ELAVL2: variants seen among roughly 807,000 people sequenced by gnomAD.
The protein encoded by ELAVL2 is ELAV like RNA binding protein 2, also known as ELAV-like protein 2.
A neutral mutation model predicts 34.6 loss-of-function variants in ELAVL2; 4 were observed. The observed-to-expected ratio is 0.12, with a 90% CI of 0.06 to 0.26. The LOEUF is 0.26. Ranked by LOEUF, ELAVL2 falls within the 10% of genes least tolerant of loss-of-function variation. ELAVL2 has a pLI of 1.00. For missense variants in ELAVL2, 432 were observed against 442.8 expected (o/e 0.98, Z 0.22); for synonymous variants, 193 against 154.8 (o/e 1.25, Z -1.83).
At chr9:23,811,625 T>C (rs1330714288) in intron 1 of ELAVL2, among the ~76,000 whole-genome samples, 1 of 152,190 alleles carries the variant, frequency 6.6e-6, no homozygotes, top group Non-Finnish European at 1.5e-5. Flanking sequence ...TTTTCCTAGG[T>C]GTTTTGAAAA....
chr9:23,710,595 G>A (rs1178847827), intron 3 of ELAVL2, among the ~76,000 whole-genome samples: 1 of 152,124 alleles, frequency 6.6e-6, no homozygotes, highest in African/African-American at 2.4e-5. Context: ...GTCAATTACT[G>A]ACCCAGGACT....
intron 1 of ELAVL2, among the ~76,000 whole-genome samples, chr9:23,796,101 G>A (rs983175810): frequency 2.6e-5 from 4 of 152,128 alleles, no homozygotes; most frequent in African/African-American, 9.7e-5. Context: ...ATATACTTCT[G>A]CAATCCAAAG....
rs898795887 is a variant in ELAVL2, at chr9:23,826,149, A to G, written c.-359T>C. On this transcript the variant is annotated 5_prime_UTR_variant, in exon 1 of 7. Coordinates refer to ENST00000397312, the MANE Select transcript of ELAVL2 (RefSeq NM_004432.5). Reference sequence around the variant, plus strand: ...GAAAGAACGTTTTTTCAAAAAGACGATGTCTTTCTCCTTGTTGCTTTTTAG... The same window carrying G: ...GAAAGAACGTTTTTTCAAAAAGACGGTGTCTTTCTCCTTGTTGCTTTTTAG... The G allele has an allele frequency of 3.3e-5, 5 of 152,230 alleles. No individual in the cohort carries two copies. The highest frequency in any genetic ancestry group is 6.5e-5 in the Admixed American group (1 of 15,288). 9.4% of individuals were successfully genotyped at this position (152,230 alleles called of 1,614,324 possible).
intron 1 of ELAVL2, among the ~76,000 whole-genome samples, chr9:23,777,926 A>G (rs993707362): frequency 6.6e-6 from 1 of 152,016 alleles, no homozygotes; most frequent in Admixed American, 6.6e-5. Flanking sequence ...ACTACACATT[A>G]ACTAAGACCT....
chr9:23,701,266 C>G (rs954056908), intron 5 of ELAVL2, 113 bp downstream of exon 5: 2 of 1,159,622 alleles, frequency 1.7e-6, no homozygotes, highest in Non-Finnish European at 2.5e-6. Context: ...GTAATAAAAC[C>G]AACAACACTG....
chr9:23,825,323 C>A (rs2065231682), intron 1 of ELAVL2, among the ~76,000 whole-genome samples: 1 of 152,186 alleles, frequency 6.6e-6, no homozygotes, highest in South Asian at 2.1e-4. Flanking sequence ...ATCCCATCTC[C>A]CCAGCACATG....
At chr9:23,783,469 AC>A in intron 1 of ELAVL2, 2 of 985,448 alleles carry the variant, frequency 2.0e-6, no homozygotes, top group South Asian at 9.4e-5. Flanking sequence ...CCATGCACTA[AC>A]CTGAAAACAA....
chr9:23,820,397 T>C (rs1195981244), intron 1 of ELAVL2, among the ~76,000 whole-genome samples: 1 of 152,126 alleles, frequency 6.6e-6, no homozygotes, highest in East Asian at 1.9e-4. Context: ...GAACCGTTCT[T>C]TGAGGGAGGG....
At chr9:23,793,870 T>C (rs531494473) in intron 1 of ELAVL2, among the ~76,000 whole-genome samples, 35 of 152,318 alleles carry the variant, frequency 2.3e-4, no homozygotes, top group Non-Finnish European at 3.4e-4. Flanking sequence ...CTCTTCATTA[T>C]AAGCTTTGCT....
At chr9:23,697,669 CTATTTT>C (rs1355777728) in intron 5 of ELAVL2, among the ~76,000 whole-genome samples, 1 of 151,940 alleles carries the variant, frequency 6.6e-6, no homozygotes, top group African/African-American at 2.4e-5. Context: ...CAGATCATTC[CTATTTT>C]AAAGCTAGGT....
chr9:23,701,226 C>T (rs2037089204), intron 5 of ELAVL2, among the ~76,000 whole-genome samples, 153 bp downstream of exon 5: 1 of 152,206 alleles, frequency 6.6e-6, no homozygotes, highest in Admixed American at 6.5e-5. Flanking sequence ...AGTAGATTCT[C>T]TCTGTGCCCA....
chr9:23,714,364 A>G (rs2041777871), intron 3 of ELAVL2, among the ~76,000 whole-genome samples: 1 of 152,214 alleles, frequency 6.6e-6, no homozygotes, highest in African/African-American at 2.4e-5. Context: ...GCTTCTTCCA[A>G]ATCCATGGTG....
chr9:23,746,323 A>G (rs1481266946), intron 2 of ELAVL2, among the ~76,000 whole-genome samples: 1 of 152,172 alleles, frequency 6.6e-6, no homozygotes, highest in East Asian at 1.9e-4. Flanking sequence ...TTGAGTTAAA[A>G]AACACTGATA....
At chr9:23,706,222 G>T (rs1363924089) in intron 3 of ELAVL2, among the ~76,000 whole-genome samples, 1 of 152,068 alleles carries the variant, frequency 6.6e-6, no homozygotes, top group Non-Finnish European at 1.5e-5. Context: ...ATCCCACAAG[G>T]ACGAAAGACA....
intron 1 of ELAVL2, among the ~76,000 whole-genome samples, chr9:23,815,403 A>C (rs1039550104): frequency 6.6e-6 from 1 of 152,162 alleles, no homozygotes; most frequent in Non-Finnish European, 1.5e-5. Context: ...ATTCTCCCAA[A>C]TCCTCCCTGC....
chr9:23,696,725 C>T (rs181682186), intron 5 of ELAVL2, among the ~76,000 whole-genome samples: 39 of 152,178 alleles, frequency 2.6e-4, no homozygotes, highest in African/African-American at 7.2e-4. Flanking sequence ...CCGCCTTGGC[C>T]TCCCAAAGTG....
the ELAVL2 span, among the ~76,000 whole-genome samples, chr9:23,847,664 A>T: frequency 6.6e-6 from 1 of 152,172 alleles, no homozygotes; most frequent in Admixed American, 6.6e-5. Context: ...TTGTAGAAAA[A>T]AATTGGTAAG....
intron 2 of ELAVL2, among the ~76,000 whole-genome samples, chr9:23,742,867 C>T (rs34006446): frequency 5.1e-4 from 78 of 152,158 alleles, no homozygotes; most frequent in African/African-American, 1.9e-3. Flanking sequence ...TTTCTTTCCT[C>T]TAAACTTAAA....
At chr9:23,811,505 A>T (rs1397310288) in intron 1 of ELAVL2, among the ~76,000 whole-genome samples, 2 of 152,240 alleles carry the variant, frequency 1.3e-5, no homozygotes, top group African/African-American at 4.8e-5. Context: ...GAGAAGGCAT[A>T]GATCAATGCT....
Sources: gnomAD v4.1 joint callset for allele counts (sites outside exome capture counted in the v4.1 genomes callset) on GRCh38, gnomAD v4.1.1 for gene constraint, MANE v1.5 for transcripts, NCBI Gene and HGNC (gene_info 2026-07-23, HGNC 2026-07-21) for gene names.